Variants in ITPR2 observed in about 807,000 individuals in gnomAD.
ITPR2 encodes inositol 1,4,5-trisphosphate receptor type 2.
In ITPR2, 207 loss-of-function variants were observed where a neutral mutation model predicts 317.1. That is an observed-to-expected ratio of 0.65 (90% CI 0.58 to 0.73). The LOEUF (loss-of-function observed/expected upper bound fraction) is 0.73, where lower values mean the gene tolerates loss of function less well. Ranked by LOEUF, ITPR2 falls within the 30% of genes least tolerant of loss-of-function variation. The pLI, the probability that ITPR2 is intolerant of heterozygous loss-of-function variation, is 0.00. For missense variants in ITPR2, 2,613 were observed against 3,284.0 expected, an observed-to-expected ratio of 0.80 and a Z score of 4.99; for synonymous variants, 1,156 against 1,149.1, an observed-to-expected ratio of 1.01 and a Z score of -0.12.
chr12:26,682,577 T>C lies in ITPR2; in HGVS notation c.1245A>G (p.Leu415=). The C allele has an allele frequency of 6.3e-7, 1 of 1,596,210 alleles. No homozygotes were observed. The highest frequency in any genetic ancestry group is 8.6e-7 in the Non-Finnish European group (1 of 1,166,796). Residue 415 remains leucine (L), a synonymous_variant, in exon 12 of 57, where the codon TTA becomes TTG. Transcript: ENST00000381340. ...AACCATCTTCAGTGACATTTACCTT[T>C]AACATAACAGGCCTCTCTTCATCTG... The part of the protein sequence containing the change: ...IDTDEERPVM[L]KIGTCQTKED...
rs531018365 is a variant in ITPR2, at chr12:26,686,574, T to C, written c.1055A>G (p.Tyr352Cys). 4.3e-6 allele frequency: 7 copies of C among 1,612,800 alleles called. No individual in the cohort carries two copies. The highest frequency in any genetic ancestry group is 2.2e-5 in the East Asian group (1 of 44,792). ...KKRQAGEKIMYTLVSVPHGND... is the reference protein window; with the variant it reads ...KKRQAGEKIMCTLVSVPHGND... ...GCCATGCGGGACTGAAACCAAAGTA[T>C]ACATGATCTTCTCCCCTGCCTGGCG... Residue 352 changes from tyrosine to cysteine, a missense_variant, in exon 11 of 57, where the codon TAT becomes TGT. Transcript: ENST00000381340.
At chr12:26,514,197 T>C (rs1943431617) in intron 37 of ITPR2, among the ~76,000 whole-genome samples, 3 of 152,204 alleles carry the variant, frequency 2.0e-5, no homozygotes, top group Admixed American at 2.0e-4. Context: ...ACGATGTTTT[T>C]TTAAAAAAAG....
chr12:26,587,798 A>C lies in ITPR2; in HGVS notation c.4381-7643T>G, dbSNP rs577911783. On this transcript the variant is annotated intron_variant, in intron 32 of 56. Transcript: ENST00000381340. ...CAATCATGATGGCTGCTAGATAAAG[A>C]ATAGATGGAGAGAGGGACAAGAGCA... Among the ~76,000 whole-genome samples the C allele has an allele frequency of 7.9e-5, 12 of 152,202 alleles. No homozygotes were observed. In the South Asian group the frequency reaches 2.5e-3, roughly 32 times the overall value.
At chr12:26,484,171 A>T (rs1004917044) in intron 41 of ITPR2, among the ~76,000 whole-genome samples, 8 of 151,082 alleles carry the variant, frequency 5.3e-5, no homozygotes, top group African/African-American at 1.7e-4. Context: ...ATATACATAT[A>T]TGTGTATATA....
At chr12:26,625,493 T>A (rs1332954799) in intron 23 of ITPR2, among the ~76,000 whole-genome samples, 3 of 152,052 alleles carry the variant, frequency 2.0e-5, no homozygotes, top group Admixed American at 6.6e-5. Context: ...ATTAAAAAAA[T>A]TTAAGTCAAT....
At chr12:26,636,200 T>G (rs1358097312) in intron 21 of ITPR2, among the ~76,000 whole-genome samples, 1 of 152,244 alleles carries the variant, frequency 6.6e-6, no homozygotes, top group African/African-American at 2.4e-5. Context: ...TTCTGATTTG[T>G]GGTGCAATGT....
At chr12:26,687,055 T>A (rs944134419) in intron 10 of ITPR2, among the ~76,000 whole-genome samples, 1 of 152,200 alleles carries the variant, frequency 6.6e-6, no homozygotes, top group Non-Finnish European at 1.5e-5. Flanking sequence ...TCCCCAGGCA[T>A]AATAATACTT....
At chr12:26,559,648 C>T (rs1944761550) in intron 35 of ITPR2, among the ~76,000 whole-genome samples, 2 of 152,156 alleles carry the variant, frequency 1.3e-5, no homozygotes, top group Admixed American at 1.3e-4. Flanking sequence ...AGCCATAGCA[C>T]CATGTAAGTC....
chr12:26,491,124 G>A (rs555694387), intron 39 of ITPR2, among the ~76,000 whole-genome samples: 1 of 152,282 alleles, frequency 6.6e-6, no homozygotes, highest in Middle Eastern at 3.4e-3. Flanking sequence ...CTTATGGACT[G>A]TAGCAGGGAG....
intron 2 of ITPR2, among the ~76,000 whole-genome samples, chr12:26,766,970 T>TAA (rs1949731600): frequency 6.6e-6 from 1 of 152,222 alleles, no homozygotes; most frequent in East Asian, 1.9e-4. Context: ...CGTATATATA[T>TAA]AATACATCAT....
intron 1 of ITPR2, among the ~76,000 whole-genome samples, chr12:26,792,817 G>A (rs1205746822): frequency 6.6e-6 from 1 of 152,102 alleles, no homozygotes; most frequent in Non-Finnish European, 1.5e-5. Context: ...TTTCTGAGAT[G>A]GGCAAGCTGA....
At chr12:26,673,804 T>C (rs1947846515) in intron 13 of ITPR2, among the ~76,000 whole-genome samples, 1 of 140,284 alleles carries the variant, frequency 7.1e-6, no homozygotes, top group Non-Finnish European at 1.5e-5. Context: ...CCCCATTGTC[T>C]CAGCCCAAAA....
At chr12:26,580,224 AC>A (rs1406787584) in intron 32 of ITPR2, 69 bp from the exon 33 acceptor site, 1 of 1,426,170 alleles carries the variant, frequency 7.0e-7, no homozygotes, top group East Asian at 2.4e-5. Flanking sequence ...TATTGGAACC[AC>A]CTAAAAATTG....
intron 37 of ITPR2, among the ~76,000 whole-genome samples, chr12:26,512,164 A>G (rs1943367144): frequency 7.1e-6 from 1 of 140,540 alleles, no homozygotes; most frequent in Non-Finnish European, 1.5e-5. Context: ...TTTTATTCCT[A>G]AATAAGATAG....
chr12:26,348,424 G>A (rs1421030237), intron 55 of ITPR2, among the ~76,000 whole-genome samples: 1 of 152,200 alleles, frequency 6.6e-6, no homozygotes, highest in African/African-American at 2.4e-5. Flanking sequence ...GCACCAACAT[G>A]GTGGCCTTGA....
intron 2 of ITPR2, among the ~76,000 whole-genome samples, chr12:26,768,575 A>T (rs1949778962): frequency 1.9e-5 from 2 of 104,108 alleles, no homozygotes; most frequent in African/African-American, 5.7e-5. Flanking sequence ...TATATATAAA[A>T]AAAAAAAAAA....
chr12:26,737,763 G>A (rs558402636), intron 2 of ITPR2, among the ~76,000 whole-genome samples: 1 of 152,286 alleles, frequency 6.6e-6, no homozygotes, highest in South Asian at 2.1e-4. Context: ...ATCTGTCAGT[G>A]CTACATCAAA....
chr12:26,459,195 A>G (rs922486570), intron 45 of ITPR2, among the ~76,000 whole-genome samples: 4 of 152,188 alleles, frequency 2.6e-5, no homozygotes, highest in Non-Finnish European at 5.9e-5. Flanking sequence ...CTGAAGAGCA[A>G]TTGCATATAT....
At chr12:26,764,453 C>T (rs577571468) in intron 2 of ITPR2, among the ~76,000 whole-genome samples, 1 of 152,082 alleles carries the variant, frequency 6.6e-6, no homozygotes, top group East Asian at 1.9e-4. Context: ...AAAAGACATA[C>T]CTGATAAAGG....
Sources: allele counts gnomAD v4.1 joint callset (sites outside exome capture counted in the v4.1 genomes callset), GRCh38; gene constraint gnomAD v4.1.1; transcripts MANE v1.5; gene names NCBI Gene and HGNC (gene_info 2026-07-23, HGNC 2026-07-21).